The following SLC39A12 variants were observed in gnomAD, a reference collection of about 807,000 sequenced individuals.
SLC39A12 encodes zinc transporter ZIP12.
A neutral mutation model predicts 71.1 loss-of-function variants in SLC39A12; 63 were observed. The ratio of observed to expected loss-of-function variants is 0.89; its 90% CI spans 0.72 to 1.09. The LOEUF is 1.09. Ranked by LOEUF, SLC39A12 falls within the 50% of genes least tolerant of loss-of-function variation. The pLI, the probability that SLC39A12 is intolerant of heterozygous loss-of-function variation, is 0.00. For missense variants in SLC39A12, 892 were observed against 812.6 expected (o/e 1.10, Z -1.19); for synonymous variants, 351 against 301.3 (o/e 1.16, Z -1.71).
chr10:17,961,044 G>A (rs7074683), intron 2 of SLC39A12, among the ~76,000 whole-genome samples: 14,807 of 152,154 alleles, frequency 0.097, 760 homozygotes, highest in African/African-American at 0.12. Flanking sequence ...GGGAACGCAG[G>A]TTGGGAATCT....
chr10:17,960,073 G>A (rs1834648531), intron 2 of SLC39A12, among the ~76,000 whole-genome samples: 2 of 152,194 alleles, frequency 1.3e-5, no homozygotes, highest in Admixed American at 1.3e-4. Context: ...GTAATAAATT[G>A]TGGGGATGTG....
At chr10:18,028,716 T>G (rs1188236067) in intron 12 of SLC39A12, among the ~76,000 whole-genome samples, 1 of 152,142 alleles carries the variant, frequency 6.6e-6, no homozygotes, top group Non-Finnish European at 1.5e-5. Flanking sequence ...TTAAAACATT[T>G]TCTTTTCTTT....
At chr10:18,012,724 C>T (rs1013982804) in intron 12 of SLC39A12, among the ~76,000 whole-genome samples, 12 of 151,844 alleles carry the variant, frequency 7.9e-5, no homozygotes, top group African/African-American at 2.2e-4. Context: ...AAAATTAGCC[C>T]GGCGTGGTGG....
intron 2 of SLC39A12, among the ~76,000 whole-genome samples, chr10:17,958,284 A>G (rs1834600387): frequency 1.3e-5 from 2 of 152,096 alleles, no homozygotes; most frequent in African/African-American, 4.8e-5. Context: ...CCCTGGTCTC[A>G]TGGCCCCATG....
At chr10:18,041,275 G>C (rs1837217458) in intron 12 of SLC39A12, among the ~76,000 whole-genome samples, 2 of 151,896 alleles carry the variant, frequency 1.3e-5, no homozygotes, top group Non-Finnish European at 2.9e-5. Context: ...GTGTTTCTCT[G>C]AGAATAAAAT....
At chr10:17,986,741 T>C (rs1835408124) in intron 6 of SLC39A12, among the ~76,000 whole-genome samples, 1 of 152,226 alleles carries the variant, frequency 6.6e-6, no homozygotes, top group South Asian at 2.1e-4. Context: ...GTGCTGTGGC[T>C]TATGCCTGTA....
At chr10:18,042,579 G>T in intron 12 of SLC39A12, 126 bp from the exon 13 acceptor site, 9 of 826,240 alleles carry the variant, frequency 1.1e-5, no homozygotes, top group Non-Finnish European at 1.4e-5. Flanking sequence ...TCAGCATTTT[G>T]TAACTGTTTT....
chr10:18,021,597 G>A (rs1564659725), intron 12 of SLC39A12, among the ~76,000 whole-genome samples: 1 of 152,108 alleles, frequency 6.6e-6, no homozygotes, highest in Non-Finnish European at 1.5e-5. Context: ...TGCCTTTTAA[G>A]TGGAGCATTT....
chr10:17,969,362 C>G (rs966593841), intron 4 of SLC39A12, among the ~76,000 whole-genome samples: 1 of 152,128 alleles, frequency 6.6e-6, no homozygotes, highest in Admixed American at 6.5e-5. Context: ...TGAGAAACCT[C>G]CCGATCGTTC....
At chr10:17,970,608 A>G (rs1474543961) in intron 4 of SLC39A12, among the ~76,000 whole-genome samples, 1 of 151,536 alleles carries the variant, frequency 6.6e-6, no homozygotes, top group Middle Eastern at 3.2e-3. Flanking sequence ...TAGAAATGCT[A>G]CCGATTTTTG....
At chr10:17,996,772 C>T (rs779553187) in intron 10 of SLC39A12, among the ~76,000 whole-genome samples, 11 of 151,834 alleles carry the variant, frequency 7.2e-5, no homozygotes, top group African/African-American at 2.4e-4. Flanking sequence ...CCGAGGCGGG[C>T]AGATCACGAG....
chr10:18,036,788 A>ATTTTTTTTTTTTTTTT (rs1319675306), intron 12 of SLC39A12, among the ~76,000 whole-genome samples: 10 of 17,010 alleles, frequency 5.9e-4, no homozygotes, highest in Non-Finnish European at 9.6e-4. Context: ...ATATATATAT[A>ATTTTTTTTTTTTTTTT]TATATATTTT....
At chr10:17,996,384 T>C (rs1835683603) in intron 10 of SLC39A12, among the ~76,000 whole-genome samples, 1 of 152,232 alleles carries the variant, frequency 6.6e-6, no homozygotes, top group Non-Finnish European at 1.5e-5. Context: ...TCTGTTACTC[T>C]TGAACTTTTG....
chr10:17,981,567 C>G, intron 6 of SLC39A12, 84 bp downstream of exon 6: 12 of 1,117,448 alleles, frequency 1.1e-5, no homozygotes, highest in Non-Finnish European at 1.5e-5. Flanking sequence ...TACTATATAC[C>G]AGGCTCTGTT....
At position 17,977,886 on chromosome 10, in the gene SLC39A12, T is replaced by G; in HGVS notation, c.752-16T>G. The G allele has an allele frequency of 6.4e-7, 1 of 1,558,570 alleles. No individual in the cohort carries two copies. Among genetic ancestry groups the G allele is most frequent in the Non-Finnish European group, 8.6e-7 (1 of 1,157,506 alleles). ...ATCTATTCTATGTGACACCAGATTTTATATGAAATTTCTAGAACTAGACCA... is the reference window on the plus strand; with the variant it reads ...ATCTATTCTATGTGACACCAGATTTGATATGAAATTTCTAGAACTAGACCA... On this transcript the variant is annotated splice_polypyrimidine_tract_variant and intron_variant, in intron 4 of 12. Transcript: ENST00000377369.
At position 18,000,828 on chromosome 10, in the gene SLC39A12, A is replaced by G. The variant is rs1312219957; in HGVS notation, c.1759+3A>G. The G allele has an allele frequency of 1.9e-6, 3 of 1,613,322 alleles. No homozygotes were observed. The highest frequency in any genetic ancestry group is 2.2e-5 in the East Asian group (1 of 44,874). ...TCATGAAATCCCACATGAAATGGGT[A>G]AGTTCAACAATGGAATTACTGTTTC... is the stretch of plus-strand genomic sequence containing the variant. On this transcript the variant is annotated splice_donor_region_variant and intron_variant, in intron 11 of 12. Transcript: ENST00000377369.
intron 10 of SLC39A12, among the ~76,000 whole-genome samples, chr10:17,997,536 A>G (rs147127075): frequency 3.3e-5 from 5 of 152,172 alleles, no homozygotes; most frequent in African/African-American, 1.2e-4. Context: ...GGACATGCCC[A>G]GTCAAATCAG....
rs1415885843 is a variant in SLC39A12, at chr10:18,000,556, A to G, written c.1601-111A>G. ...AAACAAAGTGATGTTATTTAATCAGATGGAATATAAGAATGTCAAGTGTAG... is the reference window on the plus strand; with the variant it reads ...AAACAAAGTGATGTTATTTAATCAGGTGGAATATAAGAATGTCAAGTGTAG... On this transcript the variant is annotated intron_variant, in intron 10 of 12. Transcript: ENST00000377369. 4.3e-5 allele frequency: 42 copies of G among 981,996 alleles called. No individual in the cohort carries two copies. The South Asian group carries it at 5.6e-4, about 13-fold the overall frequency. The allele number at this position is 981,996 out of a possible 1,614,324, so 60.8% of individuals were successfully genotyped here.
At chr10:18,039,973 A>T (rs541536044) in intron 12 of SLC39A12, among the ~76,000 whole-genome samples, 1 of 152,318 alleles carries the variant, frequency 6.6e-6, no homozygotes, top group African/African-American at 2.4e-5. Context: ...TTCATTCGCC[A>T]CTTAGGAGGA....
Sources: gnomAD v4.1 joint callset for allele counts (sites outside exome capture counted in the v4.1 genomes callset) on GRCh38, gnomAD v4.1.1 for gene constraint, MANE v1.5 for transcripts, NCBI Gene and HGNC (gene_info 2026-07-23, HGNC 2026-07-21) for gene names.